SLC39A10: variants seen among roughly 807,000 people sequenced by gnomAD.
The protein encoded by SLC39A10 is zinc transporter ZIP10.
In SLC39A10, 13 loss-of-function variants were observed where a neutral mutation model predicts 65.1. That is an observed-to-expected ratio of 0.20 (90% CI 0.13 to 0.32). The LOEUF (loss-of-function observed/expected upper bound fraction) is 0.32. Among genes scored for constraint, SLC39A10 ranks in the 10% least tolerant of loss-of-function variants. The pLI, the probability that SLC39A10 is intolerant of heterozygous loss-of-function variation, is 1.00. For missense variants in SLC39A10, 831 were observed against 1,018.4 expected (o/e 0.82, Z 2.50); for synonymous variants, 321 against 342.2 (o/e 0.94, Z 0.68).
chr2:195,660,604 A>T (rs2105729203), intron 1 of SLC39A10, among the ~76,000 whole-genome samples: 1 of 152,326 alleles, frequency 6.6e-6, no homozygotes, highest in Non-Finnish European at 1.5e-5. Flanking sequence ...TGTTGCTAAT[A>T]AGATGGACGT....
chr2:195,626,326 C>T (rs1477344228), intron 2 of SLC39A10, among the ~76,000 whole-genome samples: 1 of 152,082 alleles, frequency 6.6e-6, no homozygotes, highest in Non-Finnish European at 1.5e-5. Flanking sequence ...AGTCTTATGA[C>T]CAAAAACCCT....
At chr2:195,639,943 GTTAA>G (rs147264171) in intron 2 of SLC39A10, among the ~76,000 whole-genome samples, 25,302 of 152,068 alleles carry the variant, frequency 0.17, 2,311 homozygotes, top group East Asian at 0.34. Context: ...CTCTGCCATT[GTTAA>G]TTAATTAATT....
At chr2:195,697,046 ATG>A (rs1690993376) in intron 3 of SLC39A10, among the ~76,000 whole-genome samples, 1 of 152,118 alleles carries the variant, frequency 6.6e-6, no homozygotes, top group African/African-American at 2.4e-5. Flanking sequence ...CATCATCTTC[ATG>A]TTGAGTAGGC....
chr2:195,658,779 A>C (rs1028150725), intron 1 of SLC39A10, among the ~76,000 whole-genome samples: 1 of 151,716 alleles, frequency 6.6e-6, no homozygotes, highest in South Asian at 2.1e-4. Flanking sequence ...TTCTGCAGAC[A>C]CTGGTTACTC....
Position 195,728,300 on chromosome 2 carries a change from T to C in SLC39A10, c.2288T>C (p.Ile763Thr). The change falls in exon 9 of 10, where the codon ATC (isoleucine) becomes ACC (threonine). Residue 763 changes from isoleucine to threonine, a missense_variant. This residue lies in a region of SLC39A10 where 120 missense variants were observed against 203.9 expected (regional missense o/e 0.59). Coordinates refer to ENST00000359634, the MANE Select transcript of SLC39A10 (RefSeq NM_020342.3). This position sits in a 1 kb window ranked among gnomAD's most constrained non-coding sequence, Gnocchi z 4.4. Reference protein sequence around the residue: ...GQYANNITLWIFAVTAGMFLY... With the variant: ...GQYANNITLWTFAVTAGMFLY... ...TATGCCAATAACATCACACTTTGGATCTTTGCAGTCACTGCAGGCATGTTC... is the reference window on the plus strand; with the variant it reads ...TATGCCAATAACATCACACTTTGGACCTTTGCAGTCACTGCAGGCATGTTC... 6.2e-7 allele frequency: 1 copy of C among 1,614,054 alleles called. No homozygotes were observed. The highest frequency in any genetic ancestry group is 8.5e-7 in the Non-Finnish European group (1 of 1,179,914).
intron 1 of SLC39A10, among the ~76,000 whole-genome samples, chr2:195,659,802 A>G (rs957639824): frequency 6.6e-6 from 1 of 152,142 alleles, no homozygotes; most frequent in African/African-American, 2.4e-5. Context: ...TTTTTTCTAC[A>G]TACAGATGTT....
chr2:195,708,049 T>A (rs1691469962), intron 4 of SLC39A10, among the ~76,000 whole-genome samples: 1 of 152,142 alleles, frequency 6.6e-6, no homozygotes, highest in African/African-American at 2.4e-5. Flanking sequence ...GGATACCCTC[T>A]TGCTAACTTT....
chr2:195,713,937 T>C lies in SLC39A10; in HGVS notation c.1696+384T>C, dbSNP rs560907940. Among the ~76,000 whole-genome samples, 10 of 152,220 alleles carry C rather than the reference T, an allele frequency of 6.6e-5. No individual in the cohort carries two copies. The East Asian group carries it at 1.9e-3, about 29-fold the overall frequency. On this transcript the variant is annotated intron_variant, in intron 6 of 9. Transcript: ENST00000359634. The stretch of plus-strand genomic sequence containing the variant: ...AGGTTATGCATGACAAAGACTTTTT[T>C]TTTTTTTGAGACAGAGTCTCACTCT...
At chr2:195,640,471 G>A (rs1343998189) in intron 2 of SLC39A10, among the ~76,000 whole-genome samples, 1 of 151,950 alleles carries the variant, frequency 6.6e-6, no homozygotes, top group Non-Finnish European at 1.5e-5. Flanking sequence ...TGTTCTTATG[G>A]CTTTAATATT....
At chr2:195,674,823 TATACTG>T (rs1260268116) in intron 1 of SLC39A10, among the ~76,000 whole-genome samples, 1 of 151,932 alleles carries the variant, frequency 6.6e-6, no homozygotes, top group East Asian at 1.9e-4. Flanking sequence ...AACCTGTTGA[TATACTG>T]AATACTGTAG....
intron 2 of SLC39A10, among the ~76,000 whole-genome samples, chr2:195,624,677 C>T (rs189863820): frequency 9.9e-4 from 149 of 149,852 alleles, no homozygotes; most frequent in African/African-American, 3.3e-3. Context: ...GAGTTTAAGA[C>T]CTGCCTGGCC....
rs373737654 is a variant in SLC39A10 at position 195,622,495 on chromosome 2, G to A, written c.-12+16262G>A. 1.2e-4 allele frequency among the ~76,000 whole-genome samples: 19 copies of A among 152,358 alleles called. No individual in the cohort carries two copies. The East Asian group carries it at 2.9e-3, about 23-fold the overall frequency. The stretch of plus-strand genomic sequence containing the variant: ...TTTTGGGTTAAGTAGGCCTTCTGAA[G>A]TGAATATTTTCTGTTTGAGGCCAAA... On this transcript the variant is annotated intron_variant, in intron 2 of 2. Transcript: ENST00000458054.
At chr2:195,694,107 T>C (rs1690848275) in intron 3 of SLC39A10, among the ~76,000 whole-genome samples, 1 of 152,210 alleles carries the variant, frequency 6.6e-6, no homozygotes, top group Admixed American at 6.5e-5. Flanking sequence ...TTTGTATGGC[T>C]TTAAGTGTTC....
chr2:195,729,229 G>A (rs1692350049), intron 9 of SLC39A10, among the ~76,000 whole-genome samples: 1 of 152,074 alleles, frequency 6.6e-6, no homozygotes, highest in African/African-American at 2.4e-5. Flanking sequence ...CAGTCTTCCT[G>A]CCTCAGCCTC....
intron 9 of SLC39A10, among the ~76,000 whole-genome samples, chr2:195,730,486 C>T (rs556774500): frequency 1.7e-4 from 26 of 152,312 alleles, no homozygotes; most frequent in East Asian, 1.2e-3. Flanking sequence ...TGTGCCATCA[C>T]GCCCAGTCTT....
intron 2 of SLC39A10, among the ~76,000 whole-genome samples, chr2:195,618,595 C>T (rs145892044): frequency 3.6e-4 from 55 of 152,234 alleles, no homozygotes; most frequent in African/African-American, 6.7e-4. Flanking sequence ...CTTTTCCTTA[C>T]AATATATTGT....
chr2:195,642,230 C>A (rs1318338633), intron 2 of SLC39A10, among the ~76,000 whole-genome samples: 1 of 152,070 alleles, frequency 6.6e-6, no homozygotes, highest in Non-Finnish European at 1.5e-5. Context: ...TGATAATAAC[C>A]TTAACCAGCG....
At chr2:195,727,567 T>C (rs1463857010) in intron 8 of SLC39A10, among the ~76,000 whole-genome samples, 1 of 152,166 alleles carries the variant, frequency 6.6e-6, no homozygotes, top group African/African-American at 2.4e-5. Flanking sequence ...GCATAAAATA[T>C]ACTTAAAGCA....
At chr2:195,642,682 T>G (rs1688835143) in intron 2 of SLC39A10, among the ~76,000 whole-genome samples, 1 of 152,198 alleles carries the variant, frequency 6.6e-6, no homozygotes. Flanking sequence ...AAAATGCAGA[T>G]TTTTGGCTTT....
Sources: gnomAD v4.1 joint callset for allele counts (sites outside exome capture counted in the v4.1 genomes callset) on GRCh38, gnomAD v4.1.1 for gene constraint, gnomAD v4.1.1 regional missense constraint, Gnocchi (gnomAD v3.1) non-coding constraint, MANE v1.5 for transcripts, NCBI Gene and HGNC (gene_info 2026-07-23, HGNC 2026-07-21) for gene names.